Variants in FMN1 observed in about 807,000 individuals in gnomAD.
FMN1 encodes the protein formin-1.
In FMN1, 110 loss-of-function variants were observed where a neutral mutation model predicts 132.4. The observed-to-expected ratio is 0.83, with a 90% CI of 0.71 to 0.97. The LOEUF (loss-of-function observed/expected upper bound fraction) is 0.97. Among genes scored for constraint, FMN1 ranks in the 50% least tolerant of loss-of-function variants. The probability of loss-of-function intolerance (pLI) is 0.00; values close to 1 mark genes in which losing one functional copy is unlikely to be tolerated. For missense variants in FMN1, 1,792 were observed against 1,705.3 expected (o/e 1.05, Z -0.90); for synonymous variants, 722 against 651.7 (o/e 1.11, Z -1.64).
rs2060256762 is a variant in FMN1, at chr15:32,900,018, G to A, written c.3615C>T (p.Ser1205=). ...CCTTGAGTTTGGGCAGAATTTCTAAGCTATATCCATCGGCTTGTCCCCGAG... is the reference window on the plus strand; with the variant it reads ...CCTTGAGTTTGGGCAGAATTTCTAAACTATATCCATCGGCTTGTCCCCGAG... ...NRTRGQADGY[S]LEILPKLKDV... Residue 1205 remains serine, a synonymous_variant, in exon 14 of 21, where the codon AGC becomes AGT. Coordinates refer to ENST00000616417, the MANE Select transcript of FMN1 (RefSeq NM_001277313.2). 3.7e-6 allele frequency: 6 copies of A among 1,613,934 alleles called. No individual in the cohort carries two copies. Among genetic ancestry groups the A allele is most frequent in the Non-Finnish European group, 4.2e-6 (5 of 1,179,862 alleles).
At chr15:33,014,783 T>TCATTACAAAGTTTGTG (rs1206107996) in intron 6 of FMN1, among the ~76,000 whole-genome samples, 1 of 152,232 alleles carries the variant, frequency 6.6e-6, no homozygotes, top group Non-Finnish European at 1.5e-5. Flanking sequence ...CTGCCAGGTG[T>TCATTACAAAGTTTGTG]CATTACAAAG....
intron 5 of FMN1, among the ~76,000 whole-genome samples, chr15:33,075,020 C>CAAAAAAAAAAAAAAAAAAA (rs57504432): frequency 1.6e-5 from 1 of 61,662 alleles, no homozygotes. Context: ...GATTCCATCT[C>CAAAAAAAAAAAAAAAAAAA]AAAAAAAAAA....
intron 10 of FMN1, among the ~76,000 whole-genome samples, chr15:32,913,691 T>C (rs1446282570): frequency 6.6e-6 from 1 of 152,244 alleles, no homozygotes; most frequent in African/African-American, 2.4e-5. Flanking sequence ...TGGTATACTT[T>C]AAGAATCTGT....
chr15:32,772,423 G>A lies in FMN1; in HGVS notation c.*1887C>T, dbSNP rs1028753945. The A allele has an allele frequency of 6.6e-6, 1 of 152,218 alleles. No homozygotes were observed. The highest frequency in any genetic ancestry group is 2.4e-5 in the African/African-American group (1 of 41,464). The allele number at this position is 152,218 out of a possible 1,614,324, so 9.4% of individuals were successfully genotyped here. On this transcript the variant is annotated 3_prime_UTR_variant, in exon 21 of 21. Transcript: ENST00000616417. ...ACTTTTCTTGTGCATGATAACACTA[G>A]AAGGAGCATACAATGGTTATAAGTG...
At chr15:33,101,213 G>A (rs2039281131) in intron 4 of FMN1, among the ~76,000 whole-genome samples, 2 of 152,142 alleles carry the variant, frequency 1.3e-5, no homozygotes, top group Non-Finnish European at 2.9e-5. Flanking sequence ...GCTGCATGTC[G>A]AGCCAAATCT....
intron 18 of FMN1, among the ~76,000 whole-genome samples, chr15:32,800,907 A>AT (rs771818441): frequency 1.3e-5 from 2 of 152,080 alleles, no homozygotes; most frequent in Non-Finnish European, 2.9e-5. Flanking sequence ...GCATGTGATT[A>AT]TTTTTTCTCT....
chr15:33,085,569 G>A lies in FMN1; in HGVS notation c.2043+3230C>T, dbSNP rs539663003. Among the ~76,000 whole-genome samples, 8 of 148,620 alleles carry A rather than the reference G, an allele frequency of 5.4e-5. No individual in the cohort carries two copies. In the South Asian group the frequency reaches 8.5e-4, roughly 16 times the overall value. On this transcript the variant is annotated intron_variant, in intron 5 of 20. Coordinates refer to ENST00000616417, the MANE Select transcript of FMN1 (RefSeq NM_001277313.2). ...ATTAAAATTATACATATATACATAT[G>A]CATAATTTATATATCATATATGTAA...
intron 9 of FMN1, among the ~76,000 whole-genome samples, chr15:32,946,913 C>T (rs1280372485): frequency 6.6e-6 from 1 of 152,156 alleles, no homozygotes; most frequent in Non-Finnish European, 1.5e-5. Flanking sequence ...CTTTTTATTA[C>T]TGATTGGTAA....
intron 5 of FMN1, among the ~76,000 whole-genome samples, chr15:33,080,183 T>C (rs1271939342): frequency 2.6e-5 from 4 of 152,198 alleles, no homozygotes. Flanking sequence ...GACTCTTTCA[T>C]TGGCTTCCAT....
At chr15:32,891,220 G>T (rs561850773) in intron 15 of FMN1, among the ~76,000 whole-genome samples, 1 of 152,236 alleles carries the variant, frequency 6.6e-6, no homozygotes, top group South Asian at 2.1e-4. Flanking sequence ...CTCCCGCCAC[G>T]TGGGTTCTTT....
intron 9 of FMN1, among the ~76,000 whole-genome samples, chr15:32,946,031 T>A (rs2061503408): frequency 6.6e-6 from 1 of 152,190 alleles, no homozygotes; most frequent in Admixed American, 6.5e-5. Context: ...TTCCAACAGG[T>A]TCACTGAGTT....
chr15:33,158,996 T>C (rs1157155168), intron 3 of FMN1, among the ~76,000 whole-genome samples: 1 of 152,070 alleles, frequency 6.6e-6, no homozygotes, highest in African/African-American at 2.4e-5. Context: ...CTGACCAACA[T>C]GGTAAAACCC....
chr15:32,780,089 AC>A (rs956410860), intron 19 of FMN1, among the ~76,000 whole-genome samples: 3 of 152,190 alleles, frequency 2.0e-5, no homozygotes, highest in Non-Finnish European at 2.9e-5. Context: ...TTCCTAAAAA[AC>A]ATGACAGTAA....
intron 5 of FMN1, among the ~76,000 whole-genome samples, chr15:33,085,442 T>C (rs1234578613): frequency 2.0e-5 from 3 of 151,980 alleles, no homozygotes; most frequent in Admixed American, 2.0e-4. Context: ...TTTAGTTTTA[T>C]AATTCTGATT....
At position 33,088,938 on chromosome 15, in the gene FMN1, T is replaced by C. The variant is rs181008299; in HGVS notation, c.1904A>G (p.Asn635Ser). 2.5e-3 allele frequency: 3,909 copies of C among 1,535,956 alleles called. 56 individuals carry two copies. Among genetic ancestry groups the C allele is most frequent in the South Asian group, 0.022 (1,823 of 84,056 alleles). ...SSEGFPWDGF[N>S]EQTPKDLPNR... is the part of the protein sequence containing the mutation. ...GGGAAGGTCTTTAGGTGTCTGCTCA[T>C]TGAAGCCGTCCCAGGGAAAGCCCTC... The change falls in exon 5 of 21, where the codon AAT becomes AGT. Residue 635 changes from asparagine (N) to serine (S), a missense_variant. By Grantham distance (46) the Asn-to-Ser change is conservative (BLOSUM62 1). Transcript: ENST00000616417.
chr15:33,083,262 G>A (rs2038557273), intron 5 of FMN1, among the ~76,000 whole-genome samples: 1 of 152,172 alleles, frequency 6.6e-6, no homozygotes, highest in African/African-American at 2.4e-5. Context: ...ATATATAGAA[G>A]TTGTAATATT....
chr15:33,079,216 G>A (rs1417961472), intron 5 of FMN1, among the ~76,000 whole-genome samples: 3 of 152,152 alleles, frequency 2.0e-5, no homozygotes, highest in Non-Finnish European at 4.4e-5. Flanking sequence ...AATAGGAGAC[G>A]AAGAAATAAG....
intron 4 of FMN1, among the ~76,000 whole-genome samples, chr15:33,137,140 C>A (rs1050883823): frequency 5.7e-5 from 7 of 122,478 alleles, no homozygotes; most frequent in Admixed American, 7.9e-5. Context: ...CCTCCCCAAA[C>A]AGGGATTTTT....
At chr15:33,138,864 A>G (rs1238169386) in intron 4 of FMN1, among the ~76,000 whole-genome samples, 2 of 152,142 alleles carry the variant, frequency 1.3e-5, no homozygotes, top group African/African-American at 4.8e-5. Context: ...CTGGCCCTTC[A>G]CTATCTCTGA....
Sources: gnomAD v4.1 joint callset for allele counts (sites outside exome capture counted in the v4.1 genomes callset) on GRCh38, gnomAD v4.1.1 for gene constraint, MANE v1.5 for transcripts, NCBI Gene and HGNC (gene_info 2026-07-23, HGNC 2026-07-21) for gene names.